Variants in SOX5 observed in about 807,000 individuals in gnomAD.
SOX5 encodes SRY-box transcription factor 5.
A neutral mutation model predicts 92.0 loss-of-function variants in SOX5; 9 were observed. That is an observed-to-expected ratio of 0.10 (90% CI 0.06 to 0.17). The LOEUF (loss-of-function observed/expected upper bound fraction) is 0.17, where lower values mean the gene tolerates loss of function less well. Among genes scored for constraint, SOX5 ranks in the 10% least tolerant of loss-of-function variants. The probability of loss-of-function intolerance (pLI) is 1.00; values close to 1 mark genes in which losing one functional copy is unlikely to be tolerated. For missense variants in SOX5, 642 were observed against 944.5 expected (o/e 0.68, Z 4.20); for synonymous variants, 344 against 336.3 (o/e 1.02, Z -0.25).
At chr12:24,248,814 G>T (rs569801049) in intron 3 of SOX5, among the ~76,000 whole-genome samples, 4 of 152,092 alleles carry the variant, frequency 2.6e-5, no homozygotes, top group South Asian at 4.2e-4. Flanking sequence ...CTTTGGTAAG[G>T]TTACTTGTTT....
rs1458293102 is a variant in SOX5, at chr12:24,062,160, A to C, written c.-2+151183T>G. Reference sequence around the variant, plus strand: ...GATAGTTGCCAAAATGATGTACAATAGTAACAAGAAAGGCACAAGAATCTG... The same window carrying C: ...GATAGTTGCCAAAATGATGTACAATCGTAACAAGAAAGGCACAAGAATCTG... On this transcript the variant is annotated intron_variant, in intron 4 of 4. Transcript: ENST00000446891. Among the ~76,000 whole-genome samples the C allele has an allele frequency of 4.6e-5, 7 of 152,236 alleles. No individual in the cohort carries two copies. The East Asian group carries it at 1.3e-3, about 29-fold the overall frequency.
chr12:24,049,293 G>T (rs1347236920), intron 4 of SOX5, among the ~76,000 whole-genome samples: 1 of 152,152 alleles, frequency 6.6e-6, no homozygotes, highest in Non-Finnish European at 1.5e-5. Context: ...AATACGCCTT[G>T]AGACCAAGGC....
At chr12:23,922,262 A>G (rs1464434855) in intron 1 of SOX5, among the ~76,000 whole-genome samples, 4 of 152,252 alleles carry the variant, frequency 2.6e-5, no homozygotes, top group African/African-American at 9.6e-5. Context: ...AGAAAGAAAG[A>G]AAAACAAAAT....
chr12:23,701,436 A>T (rs2090615675), intron 6 of SOX5, among the ~76,000 whole-genome samples: 1 of 152,046 alleles, frequency 6.6e-6, no homozygotes, highest in African/African-American at 2.4e-5. Context: ...CCCTCTCTGC[A>T]AAATCCTTTT....
At chr12:23,669,559 A>G (rs1290376362) in intron 6 of SOX5, among the ~76,000 whole-genome samples, 1 of 152,046 alleles carries the variant, frequency 6.6e-6, no homozygotes, top group Middle Eastern at 3.2e-3. Flanking sequence ...AAAAGACTGG[A>G]GAGACCCAGC....
At chr12:23,950,977 G>GCACACA (rs35800209), upstream of SOX5, 148 of 619,988 alleles carry the variant, frequency 2.4e-4, 1 homozygote, top group African/African-American at 1.9e-3. Context: ...ACACACGCAT[G>GCACACA]CACACACACA....
chr12:23,811,654 A>G (rs1250586537), intron 3 of SOX5, among the ~76,000 whole-genome samples: 1 of 152,154 alleles, frequency 6.6e-6, no homozygotes. Context: ...TGAATATTAA[A>G]TAAAGTTAGG....
At chr12:24,355,045 T>C (rs1430535279) in intron 2 of SOX5, among the ~76,000 whole-genome samples, 1 of 152,172 alleles carries the variant, frequency 6.6e-6, no homozygotes, top group Admixed American at 6.5e-5. Context: ...AGTCACAAGA[T>C]TTTAGGGGTG....
chr12:23,999,623 A>T, intron 4 of SOX5, among the ~76,000 whole-genome samples: 1 of 152,132 alleles, frequency 6.6e-6, no homozygotes, highest in Non-Finnish European at 1.5e-5. Context: ...ACAACAATTA[A>T]TAAAAGAGTC....
At chr12:23,992,565 C>CT (rs998531423) in intron 4 of SOX5, among the ~76,000 whole-genome samples, 1 of 152,082 alleles carries the variant, frequency 6.6e-6, no homozygotes. Flanking sequence ...TTTCAGAAAA[C>CT]TTTTTTTCAT....
chr12:23,959,200 A>T (rs1358339824), intron 4 of SOX5, among the ~76,000 whole-genome samples: 1 of 151,952 alleles, frequency 6.6e-6, no homozygotes, highest in African/African-American at 2.4e-5. Context: ...AACAAGAATA[A>T]TCAGACAAAT....
chr12:23,670,675 A>G (rs1429937679), intron 6 of SOX5, among the ~76,000 whole-genome samples: 1 of 151,892 alleles, frequency 6.6e-6, no homozygotes, highest in Non-Finnish European at 1.5e-5. Flanking sequence ...ATCAGGCCTG[A>G]CAGAAGAAAT....
intron 1 of SOX5, among the ~76,000 whole-genome samples, chr12:24,375,291 AT>A (rs1283788485): frequency 6.6e-6 from 1 of 151,826 alleles, no homozygotes; most frequent in African/African-American, 2.4e-5. Flanking sequence ...GTCTCTTTAC[AT>A]TTTGCATCCT....
intron 4 of SOX5, among the ~76,000 whole-genome samples, chr12:24,169,938 C>T (rs907359187): frequency 6.6e-6 from 1 of 152,154 alleles, no homozygotes; most frequent in Admixed American, 6.5e-5. Flanking sequence ...GGAATGAATT[C>T]GTTAGGTGTA....
intron 1 of SOX5, among the ~76,000 whole-genome samples, chr12:24,447,546 A>G (rs1941665064): frequency 2.0e-5 from 3 of 152,172 alleles, no homozygotes; most frequent in Non-Finnish European, 4.4e-5. Flanking sequence ...AAAACTAAAG[A>G]CATCTAAATA....
At chr12:23,749,625 A>C (rs1422180030) in intron 4 of SOX5, among the ~76,000 whole-genome samples, 1 of 151,890 alleles carries the variant, frequency 6.6e-6, no homozygotes, top group Non-Finnish European at 1.5e-5. Flanking sequence ...AGTGAGTGAA[A>C]GGGTTATTCT....
At chr12:23,804,826 C>G (rs1342813733) in intron 3 of SOX5, among the ~76,000 whole-genome samples, 2 of 149,798 alleles carry the variant, frequency 1.3e-5, no homozygotes, top group African/African-American at 4.9e-5. Context: ...AAATAATCCA[C>G]TTTGTTTCTG....
chr12:23,676,917 A>C (rs2139704551), intron 6 of SOX5, among the ~76,000 whole-genome samples: 1 of 152,282 alleles, frequency 6.6e-6, no homozygotes, highest in East Asian at 1.9e-4. Flanking sequence ...GGCATAGCTA[A>C]CTCATATTGG....
At position 24,109,502 on chromosome 12, in the gene SOX5, A is replaced by C. The variant is rs115945425; in HGVS notation, c.-2+103841T>G. ...AACCACTTGGAGTTCCTTTATTAAA[A>C]ATAGTAAAGACAGTTTTGATCTTGT... On this transcript the variant is annotated intron_variant, in intron 4 of 4. Coordinates refer to the SOX5 transcript ENST00000446891. Among the ~76,000 whole-genome samples, 754 of 152,298 alleles carry C rather than the reference A, an allele frequency of 5.0e-3. 15 individuals are homozygous for C. Among genetic ancestry groups the C allele is most frequent in the African/African-American group, 0.018 (730 of 41,574 alleles).
Sources: gnomAD v4.1 joint callset for allele counts (sites outside exome capture counted in the v4.1 genomes callset) on GRCh38, gnomAD v4.1.1 for gene constraint, MANE v1.5 for transcripts, NCBI Gene and HGNC (gene_info 2026-07-23, HGNC 2026-07-21) for gene names.